Variants in PGBD5 observed in about 807,000 individuals in gnomAD.
The protein encoded by PGBD5 is piggyBac transposable element derived 5.
In PGBD5, 14 loss-of-function variants were observed where a neutral mutation model predicts 47.9. The observed-to-expected ratio is 0.29, with a 90% CI of 0.19 to 0.46. The LOEUF is 0.46. Among genes scored for constraint, PGBD5 ranks in the 20% least tolerant of loss-of-function variants. PGBD5 has a pLI of 1.00. For synonymous variants in PGBD5, 316 were observed against 306.3 expected (o/e 1.03, Z -0.33); for missense variants, 635 against 716.0 (o/e 0.89, Z 1.29).
chr1:230,349,626 C>T (rs570393109), intron 3 of PGBD5, among the ~76,000 whole-genome samples: 2 of 150,846 alleles, frequency 1.3e-5, no homozygotes, highest in African/African-American at 4.9e-5. Flanking sequence ...CAATTGTGTG[C>T]AGGTAGCAGG....
At chr1:230,401,159 C>A (rs1443390327) in intron 1 of PGBD5, among the ~76,000 whole-genome samples, 1 of 152,218 alleles carries the variant, frequency 6.6e-6, no homozygotes, top group African/African-American at 2.4e-5. Context: ...CCGCATTCAC[C>A]ATTAGGAGAG....
intron 1 of PGBD5, among the ~76,000 whole-genome samples, chr1:230,405,120 G>T (rs1229388432): frequency 6.6e-6 from 1 of 151,502 alleles, no homozygotes. Context: ...GCGTGAACCT[G>T]GGAGGCGGAG....
rs190264475 is a variant in PGBD5, at chr1:230,390,851, T to C, written c.332-33530A>G. ...GTCTCCTGGGTTCAAGCGATTCTCA[T>C]GTCTCAGCCTCCCGAATAGCTAGGA... On this transcript the variant is annotated intron_variant, in intron 1 of 6. Coordinates refer to ENST00000391860, the MANE Select transcript of PGBD5 (RefSeq NM_001258311.2). 3.3e-4 allele frequency among the ~76,000 whole-genome samples: 50 copies of C among 152,262 alleles called. 1 individual carries two copies. The highest frequency in any genetic ancestry group is 1.4e-3 in the Admixed American group (21 of 15,308).
chr1:230,414,661 C>G (rs1195319751), intron 1 of PGBD5, among the ~76,000 whole-genome samples: 1 of 152,170 alleles, frequency 6.6e-6, no homozygotes, highest in Non-Finnish European at 1.5e-5. Flanking sequence ...GCTCCAACAC[C>G]CCAGCTCGCC....
intron 1 of PGBD5, among the ~76,000 whole-genome samples, chr1:230,398,311 G>C (rs762141532): frequency 6.6e-6 from 1 of 152,178 alleles, no homozygotes; most frequent in Non-Finnish European, 1.5e-5. Flanking sequence ...GTGTTGGCAG[G>C]CTTGTTTCCT....
intron 3 of PGBD5, among the ~76,000 whole-genome samples, chr1:230,349,415 A>G (rs1364790413): frequency 1.3e-5 from 2 of 151,696 alleles, no homozygotes; most frequent in African/African-American, 4.8e-5. Context: ...CATGTCCATG[A>G]TCCCAGCTAC....
intron 3 of PGBD5, among the ~76,000 whole-genome samples, chr1:230,349,176 T>C (rs721532): frequency 0.099 from 15,033 of 152,098 alleles, 914 homozygotes; most frequent in Admixed American, 0.17. Flanking sequence ...TCACTAACTG[T>C]AGAGGGAGAA....
Position 230,367,888 on chromosome 1 carries a change from G to T in PGBD5, c.332-10567C>A, listed in dbSNP as rs1207387927. ...CCAAGCACAGGGCTACCAGACTCCC[G>T]CTCTGCAGGTGAATGCAGAGGCTCG... On this transcript the variant is annotated intron_variant, in intron 1 of 6. Coordinates refer to ENST00000391860, the MANE Select transcript of PGBD5 (RefSeq NM_001258311.2). The T allele has an allele frequency of 2.3e-6, 3 of 1,312,244 alleles. No individual in the cohort carries two copies. The East Asian group carries it at 1.5e-4, about 66-fold the overall frequency. 81.3% of individuals were successfully genotyped at this position (1,312,244 alleles called of 1,614,324 possible). A position where few individuals can be genotyped will look rare whatever the true frequency, so the allele number is the denominator to read the frequency against.
intron 1 of PGBD5, among the ~76,000 whole-genome samples, chr1:230,389,191 G>A (rs1012934693): frequency 1.9e-5 from 2 of 103,760 alleles, no homozygotes; most frequent in African/African-American, 7.4e-5. Context: ...TTTTTTTTTT[G>A]ATACGGAGTT....
At chr1:230,415,697 G>A (rs1249637754) in intron 1 of PGBD5, among the ~76,000 whole-genome samples, 1 of 152,218 alleles carries the variant, frequency 6.6e-6, no homozygotes, top group African/African-American at 2.4e-5. Context: ...AAACCAGGCA[G>A]CAGTCCCATC....
At chr1:230,360,912 C>T (rs1667731938) in intron 1 of PGBD5, among the ~76,000 whole-genome samples, 1 of 152,196 alleles carries the variant, frequency 6.6e-6, no homozygotes, top group Admixed American at 6.5e-5. Context: ...GTAATCCTCA[C>T]AACATCTACG....
intron 1 of PGBD5, among the ~76,000 whole-genome samples, chr1:230,397,154 T>G (rs1004097160): frequency 2.0e-5 from 3 of 152,222 alleles, no homozygotes; most frequent in Non-Finnish European, 4.4e-5. Flanking sequence ...CGCGCCTGCA[T>G]GCTCACACCA....
At chr1:230,336,375 C>T (rs1667325310) in intron 4 of PGBD5, 1 of 152,192 alleles carries the variant, frequency 6.6e-6, no homozygotes, top group Admixed American at 6.5e-5. Context: ...TTAAGAGGGT[C>T]TAGTTTTAAG....
At chr1:230,418,518 G>A (rs996412884) in intron 1 of PGBD5, among the ~76,000 whole-genome samples, 1 of 152,026 alleles carries the variant, frequency 6.6e-6, no homozygotes, top group African/African-American at 2.4e-5. Flanking sequence ...TTTTCTTTTC[G>A]AGATGGGGTC....
intron 1 of PGBD5, among the ~76,000 whole-genome samples, chr1:230,410,835 T>C (rs540810267): frequency 4.4e-4 from 67 of 151,800 alleles, no homozygotes; most frequent in African/African-American, 1.4e-3. Flanking sequence ...TAATAAAAAA[T>C]AAAAAAGGAC....
rs1316425719 is a variant in PGBD5, at chr1:230,425,399, C to T, written c.331+199G>A. Among the ~76,000 whole-genome samples, 1 of 152,174 alleles carries T rather than the reference C, an allele frequency of 6.6e-6. No individual in the cohort carries two copies. Among genetic ancestry groups the T allele is most frequent in the Non-Finnish European group, 1.5e-5 (1 of 68,018 alleles). The stretch of plus-strand genomic sequence containing the variant: ...GGAAAAGTGCTGGCCACGGCCTCCG[C>T]CTTACCCTCTCCACCCACGGGTTCG... On this transcript the variant is annotated intron_variant, in intron 1 of 6. Coordinates refer to ENST00000391860, the MANE Select transcript of PGBD5 (RefSeq NM_001258311.2). The surrounding 1 kb of genome is among the most constrained non-coding windows in gnomAD (Gnocchi z 4.7).
intron 1 of PGBD5, among the ~76,000 whole-genome samples, chr1:230,395,378 A>C (rs1417776607): frequency 2.1e-4 from 3 of 14,374 alleles, no homozygotes; most frequent in African/African-American, 3.8e-4. Context: ...TCCTCTCCTC[A>C]TGCTCCTCCC....
chr1:230,419,233 A>G (rs1657594723), intron 1 of PGBD5, among the ~76,000 whole-genome samples: 1 of 115,676 alleles, frequency 8.6e-6, no homozygotes, highest in Non-Finnish European at 1.7e-5. Flanking sequence ...AGTTATAAAA[A>G]AGAAGGAAAT....
At chr1:230,396,268 T>C (rs1430267061) in intron 1 of PGBD5, among the ~76,000 whole-genome samples, 1 of 40,514 alleles carries the variant, frequency 2.5e-5, no homozygotes, top group African/African-American at 1.2e-4. Context: ...CACTCCTCCT[T>C]TTTACCCCCA....
Sources: allele counts gnomAD v4.1 joint callset (sites outside exome capture counted in the v4.1 genomes callset), GRCh38; gene constraint gnomAD v4.1.1; non-coding constraint Gnocchi (gnomAD v3.1); transcripts MANE v1.5; gene names NCBI Gene and HGNC (gene_info 2026-07-23, HGNC 2026-07-21).